The following THSD4 variants were observed in gnomAD, a reference collection of about 807,000 sequenced individuals.
THSD4 encodes thrombospondin type 1 domain containing 4, also known as thrombospondin type-1 domain-containing protein 4.
Under a neutral mutation model 119.0 loss-of-function variants are expected in THSD4, and 69 were observed. That is an observed-to-expected ratio of 0.58 (90% CI 0.48 to 0.71). The LOEUF (loss-of-function observed/expected upper bound fraction) is 0.71. THSD4 is among the 30% of genes least tolerant of loss of function. The probability of loss-of-function intolerance (pLI) is 0.00; values close to 1 mark genes in which losing one functional copy is unlikely to be tolerated. For synonymous variants in THSD4, 524 were observed against 540.4 expected, an observed-to-expected ratio of 0.97 and a Z score of 0.42; for missense variants, 1,393 against 1,391.1, an observed-to-expected ratio of 1.00 and a Z score of -0.02.
chr15:71,432,492 A>G (rs2046955701), intron 7 of THSD4, among the ~76,000 whole-genome samples: 1 of 150,844 alleles, frequency 6.6e-6, no homozygotes, highest in Non-Finnish European at 1.5e-5. Flanking sequence ...AAACAGCATG[A>G]AGCATATATA....
At chr15:71,273,747 G>A (rs1401964645) in intron 6 of THSD4, among the ~76,000 whole-genome samples, 1 of 152,142 alleles carries the variant, frequency 6.6e-6, no homozygotes, top group African/African-American at 2.4e-5. Flanking sequence ...CCTCTAATAG[G>A]TCAGAATCCG....
chr15:71,261,037 G>A (rs371853802), intron 6 of THSD4, among the ~76,000 whole-genome samples: 4 of 152,222 alleles, frequency 2.6e-5, no homozygotes, highest in African/African-American at 7.2e-5. Context: ...AGGAGGCAGA[G>A]GTTGCGGTGA....
intron 7 of THSD4, among the ~76,000 whole-genome samples, chr15:71,602,699 T>C (rs2050037489): frequency 6.6e-6 from 1 of 151,242 alleles, no homozygotes; most frequent in Non-Finnish European, 1.5e-5. Context: ...GGCAGATTGG[T>C]GGCTGCCAGG....
chr15:71,578,677 G>A (rs118043003), intron 7 of THSD4, among the ~76,000 whole-genome samples: 617 of 152,018 alleles, frequency 4.1e-3, no homozygotes, highest in Non-Finnish European at 6.4e-3. Context: ...AGTGGCCTAC[G>A]ACGAGCAGGT....
chr15:71,213,648 G>T (rs1470876117), intron 3 of THSD4, among the ~76,000 whole-genome samples: 1 of 152,220 alleles, frequency 6.6e-6, no homozygotes, highest in Non-Finnish European at 1.5e-5. Flanking sequence ...ACTACAGTGT[G>T]CTTGCTCTTG....
At chr15:71,718,706 C>T (rs1389425530) in intron 8 of THSD4, among the ~76,000 whole-genome samples, 4 of 152,164 alleles carry the variant, frequency 2.6e-5, no homozygotes, top group African/African-American at 9.7e-5. Flanking sequence ...CTCCATCCTT[C>T]TAAGGTCGTG....
chr15:71,230,567 T>A (rs1401299764), intron 4 of THSD4, among the ~76,000 whole-genome samples: 1 of 152,212 alleles, frequency 6.6e-6, no homozygotes, highest in South Asian at 2.1e-4. Context: ...CAGGCATTGT[T>A]ATCTCCATTT....
intron 7 of THSD4, among the ~76,000 whole-genome samples, chr15:71,520,113 A>G (rs891865795): frequency 2.6e-5 from 4 of 152,178 alleles, no homozygotes; most frequent in African/African-American, 7.2e-5. Flanking sequence ...CCCATATCAC[A>G]TAGGAAACTG....
chr15:71,294,994 C>CA (rs894335622), intron 6 of THSD4, among the ~76,000 whole-genome samples: 18 of 150,320 alleles, frequency 1.2e-4, no homozygotes, highest in Non-Finnish European at 2.1e-4. Flanking sequence ...GAACTGGGAT[C>CA]AAGCTGGGAC....
chr15:71,506,555 G>A (rs2048192006), intron 7 of THSD4, among the ~76,000 whole-genome samples: 1 of 152,198 alleles, frequency 6.6e-6, no homozygotes, highest in Non-Finnish European at 1.5e-5. Context: ...CAGCACAAGT[G>A]CCCCACACTG....
chr15:71,294,860 G>T (rs1011560896), intron 6 of THSD4, among the ~76,000 whole-genome samples: 34 of 150,892 alleles, frequency 2.3e-4, no homozygotes, highest in African/African-American at 8.0e-4. Context: ...TGCGTCGGTG[G>T]TCACTCGGAA....
At chr15:71,422,226 G>C (rs778725697) in intron 7 of THSD4, among the ~76,000 whole-genome samples, 1 of 152,090 alleles carries the variant, frequency 6.6e-6, no homozygotes, top group Non-Finnish European at 1.5e-5. Context: ...TGTTCACTGG[G>C]GTCTTGATAG....
chr15:71,540,742 T>C (rs1304800865), intron 7 of THSD4, among the ~76,000 whole-genome samples: 6 of 137,050 alleles, frequency 4.4e-5, no homozygotes, highest in African/African-American at 1.6e-4. Flanking sequence ...TTTTTTTTTT[T>C]TTTTAAACGA....
intron 7 of THSD4, among the ~76,000 whole-genome samples, chr15:71,474,359 A>G (rs1355535614): frequency 6.6e-6 from 1 of 151,858 alleles, no homozygotes; most frequent in Non-Finnish European, 1.5e-5. Flanking sequence ...AGCTGGGATT[A>G]CAGGCGCCTG....
At chr15:71,720,660 T>G (rs2141111875) in intron 8 of THSD4, among the ~76,000 whole-genome samples, 1 of 152,300 alleles carries the variant, frequency 6.6e-6, no homozygotes. Context: ...GTATCCACAT[T>G]AGCTAACACA....
chr15:71,102,426 T>C (rs759925651), intron 1 of THSD4, among the ~76,000 whole-genome samples: 14 of 152,206 alleles, frequency 9.2e-5, no homozygotes, highest in Non-Finnish European at 1.6e-4. Context: ...TTTTTCAATT[T>C]TCTTTCCTTT....
chr15:71,514,371 A>T (rs948600207), intron 7 of THSD4, among the ~76,000 whole-genome samples: 8 of 152,198 alleles, frequency 5.3e-5, no homozygotes, highest in African/African-American at 1.9e-4. Flanking sequence ...AAGCATCATC[A>T]TCCAACTGGT....
intron 6 of THSD4, among the ~76,000 whole-genome samples, chr15:71,263,331 G>GTGTATATATATATATATATATATATATA (rs1555458973): frequency 1.7e-4 from 23 of 138,874 alleles, no homozygotes; most frequent in African/African-American, 2.1e-4. Flanking sequence ...GTATTCCATG[G>GTGTATATATATATATATATATATATATA]TATATATATA....
At chr15:71,655,337 T>C (rs1207364453) in intron 7 of THSD4, among the ~76,000 whole-genome samples, 1 of 152,236 alleles carries the variant, frequency 6.6e-6, no homozygotes, top group African/African-American at 2.4e-5. Context: ...TGGCCGATTT[T>C]GTTTTGTTTT....
Sources: allele counts gnomAD v4.1 joint callset (sites outside exome capture counted in the v4.1 genomes callset), GRCh38; gene constraint gnomAD v4.1.1; transcripts MANE v1.5; gene names NCBI Gene and HGNC (gene_info 2026-07-23, HGNC 2026-07-21).